RASA3: variants seen among roughly 807,000 people sequenced by gnomAD.
RASA3 encodes ras GTPase-activating protein 3.
RASA3 carries 73 observed loss-of-function variants against 110.0 expected under a neutral mutation model. The ratio of observed to expected loss-of-function variants is 0.66; its 90% CI spans 0.55 to 0.81. The LOEUF is 0.81. RASA3 is among the 30% of genes least tolerant of loss of function. The pLI, the probability that RASA3 is intolerant of heterozygous loss-of-function variation, is 0.00. For missense variants in RASA3, 976 were observed against 1,113.2 expected, an observed-to-expected ratio of 0.88 and a Z score of 1.75; for synonymous variants, 500 against 451.4, an observed-to-expected ratio of 1.11 and a Z score of -1.37.
At chr13:114,119,400 C>A (rs529334763) in intron 1 of RASA3, among the ~76,000 whole-genome samples, 8 of 152,140 alleles carry the variant, frequency 5.3e-5, no homozygotes, top group African/African-American at 7.2e-5. Context: ...GGAAGCGGTA[C>A]GGAGGTCCCG....
rs1263009841 is a variant in RASA3 at position 113,996,581 on chromosome 13, C to G, written c.2091G>C (p.Leu697=). Residue 697 remains leucine, a synonymous_variant, in exon 21 of 24, where the codon CTG becomes CTC. Transcript: ENST00000334062. Reference sequence around the variant, plus strand: ...CCGAGTCGGATGGCGCCCTACAGCACAGCCAGTGGCCGCTCAGGTAGGCGG... The same window carrying G: ...CCGAGTCGGATGGCGCCCTACAGCAGAGCCAGTGGCCGCTCAGGTAGGCGG... ...HPSAYLSGHW[L]CCRAPSDSAP... is the part of the protein sequence containing the mutation. 1 of 1,613,382 alleles carries G rather than the reference C, an allele frequency of 6.2e-7. No homozygotes were observed. The highest frequency in any genetic ancestry group is 8.5e-7 in the Non-Finnish European group (1 of 1,180,032).
At chr13:114,061,542 C>A (rs7989136) in intron 2 of RASA3, among the ~76,000 whole-genome samples, 1 of 150,802 alleles carries the variant, frequency 6.6e-6, no homozygotes. Context: ...CTGGGCATGG[C>A]GGCAGGCGCC....
chr13:114,104,816 C>T (rs1322921040), intron 1 of RASA3, among the ~76,000 whole-genome samples: 3 of 151,968 alleles, frequency 2.0e-5, no homozygotes, highest in African/African-American at 7.3e-5. Context: ...GCTACCGCCT[C>T]CCCAGCCCAC....
chr13:114,043,046 G>A (rs1474452775), intron 3 of RASA3, among the ~76,000 whole-genome samples: 3 of 152,324 alleles, frequency 2.0e-5, no homozygotes, highest in African/African-American at 7.2e-5. Flanking sequence ...GCTCATGCGA[G>A]CGAGACCTCT....
In RASA3 at chr13:113,979,128, T is replaced by C. The variant is rs1008651827; in HGVS notation, c.*219A>G. 2 of 572,126 alleles carry C rather than the reference T, an allele frequency of 3.5e-6. No individual in the cohort carries two copies. The highest frequency in any genetic ancestry group is 6.3e-6 in the Non-Finnish European group (2 of 319,496). The allele number at this position is 572,126 out of a possible 1,614,324, so 35.4% of individuals were successfully genotyped here. The stretch of plus-strand genomic sequence containing the variant: ...AAGGAGCAAAAAGCACAGAATCAAA[T>C]GACGACACGTTCCACAGGGCCAGGT... On this transcript the variant is annotated 3_prime_UTR_variant, in exon 24 of 24. Coordinates refer to ENST00000334062, the MANE Select transcript of RASA3 (RefSeq NM_007368.4).
intron 1 of RASA3, among the ~76,000 whole-genome samples, chr13:114,098,781 C>G (rs928952693): frequency 1.3e-5 from 2 of 152,078 alleles, no homozygotes; most frequent in Non-Finnish European, 2.9e-5. Flanking sequence ...AGAAAGACCT[C>G]AGAAGGGATT....
intron 3 of RASA3, among the ~76,000 whole-genome samples, chr13:114,045,980 T>C (rs2079046885): frequency 6.6e-6 from 1 of 152,198 alleles, no homozygotes; most frequent in African/African-American, 2.4e-5. Context: ...GAAGACTCAG[T>C]TTTGTTAAGA....
At chr13:114,041,481 G>A (rs146496312) in intron 3 of RASA3, among the ~76,000 whole-genome samples, 1 of 152,244 alleles carries the variant, frequency 6.6e-6, no homozygotes, top group Non-Finnish European at 1.5e-5. Flanking sequence ...CGCTCCATCG[G>A]CAATGTGCGC....
rs928685445 is a variant in RASA3 at position 114,090,888 on chromosome 13, G to A, written c.56-17051C>T. 6.6e-5 allele frequency among the ~76,000 whole-genome samples: 10 copies of A among 152,032 alleles called. No homozygotes were observed. In the East Asian group the frequency reaches 1.9e-3, roughly 29 times the overall value. ...TTCAAGTAGAAGGTGGAGAGAGGTG[G>A]GAACATTCTATTTTTGAAGGTTTCC... On this transcript the variant is annotated intron_variant, in intron 1 of 23. Coordinates refer to ENST00000334062, the MANE Select transcript of RASA3 (RefSeq NM_007368.4).
rs1367641686 is a variant in RASA3 at position 114,017,209 on chromosome 13, G to C, written c.1206+28C>G. 4 of 1,583,018 alleles carry C rather than the reference G, an allele frequency of 2.5e-6. No homozygotes were observed. The South Asian group carries it at 4.4e-5, about 17-fold the overall frequency. Reference sequence around the variant, plus strand: ...GGGAAATCCTCCCCACGCCTCGTGAGGCTGAGGACTCTCGGCCCCGTGCTC... The same window carrying C: ...GGGAAATCCTCCCCACGCCTCGTGACGCTGAGGACTCTCGGCCCCGTGCTC... On this transcript the variant is annotated intron_variant, in intron 12 of 23. Coordinates refer to ENST00000334062, the MANE Select transcript of RASA3 (RefSeq NM_007368.4).
chr13:114,029,779 T>G, intron 5 of RASA3, 32 bp downstream of exon 5: 3 of 1,566,068 alleles, frequency 1.9e-6, no homozygotes, highest in Non-Finnish European at 2.6e-6. Context: ...CCACTCGCTG[T>G]GCGCTCGGTC....
At chr13:114,061,920 G>A (rs1025954540) in intron 2 of RASA3, among the ~76,000 whole-genome samples, 22 of 152,114 alleles carry the variant, frequency 1.4e-4, no homozygotes, top group African/African-American at 4.6e-4. Context: ...AGCACACGGC[G>A]CAGGGGTTGG....
intron 18 of RASA3, among the ~76,000 whole-genome samples, chr13:114,005,075 C>T (rs922459713): frequency 6.6e-6 from 1 of 152,124 alleles, no homozygotes; most frequent in African/African-American, 2.4e-5. Flanking sequence ...CACGGAGGGG[C>T]GGGGCGCTCT....
rs913581024 is a variant in RASA3 at position 114,112,968 on chromosome 13, C to T, written c.55+19467G>A. 1.3e-5 allele frequency among the ~76,000 whole-genome samples: 2 copies of T among 152,120 alleles called. No homozygotes were observed. The highest frequency in any genetic ancestry group is 2.9e-5 in the Non-Finnish European group (2 of 68,010). ...CTAGGAGGCACTAAAGGCCTGGGGG[C>T]TCAGAGAAAGGCCCAGCCCATCCCA... On this transcript the variant is annotated intron_variant, in intron 1 of 23. Coordinates refer to ENST00000334062, the MANE Select transcript of RASA3 (RefSeq NM_007368.4). This position sits in a 1 kb window ranked among gnomAD's most constrained non-coding sequence, Gnocchi z 4.8.
intron 18 of RASA3, among the ~76,000 whole-genome samples, chr13:114,001,326 C>A (rs1238604038): frequency 1.5e-5 from 2 of 132,024 alleles, no homozygotes. Context: ...GGCCGCGGAC[C>A]TGGGATCAGG....
intron 1 of RASA3, among the ~76,000 whole-genome samples, chr13:114,111,888 T>C (rs1309152292): frequency 6.6e-6 from 1 of 152,226 alleles, no homozygotes; most frequent in Non-Finnish European, 1.5e-5. Flanking sequence ...TCGGATCCTG[T>C]GTCTTGGTTG....
intron 2 of RASA3, among the ~76,000 whole-genome samples, chr13:114,069,034 C>T (rs2079506199): frequency 6.6e-6 from 1 of 152,194 alleles, no homozygotes; most frequent in Admixed American, 6.5e-5. Context: ...TCCAGGGCCT[C>T]GGACGCGCGG....
chr13:114,015,938 A>C (rs2053781093), intron 13 of RASA3, among the ~76,000 whole-genome samples: 1 of 152,054 alleles, frequency 6.6e-6, no homozygotes, highest in Non-Finnish European at 1.5e-5. Flanking sequence ...TGCAGACCGG[A>C]TCACTCCAGG....
At chr13:114,070,401 T>C (rs2079551306) in intron 2 of RASA3, among the ~76,000 whole-genome samples, 1 of 152,082 alleles carries the variant, frequency 6.6e-6, no homozygotes, top group Non-Finnish European at 1.5e-5. Context: ...TGTTAATGCA[T>C]GTGCACCGAT....
Sources: gnomAD v4.1 joint callset for allele counts (sites outside exome capture counted in the v4.1 genomes callset) on GRCh38, gnomAD v4.1.1 for gene constraint, Gnocchi (gnomAD v3.1) non-coding constraint, MANE v1.5 for transcripts, NCBI Gene and HGNC (gene_info 2026-07-23, HGNC 2026-07-21) for gene names.